The following NAIP variants were observed in gnomAD, a reference collection of about 807,000 sequenced individuals.
The protein encoded by NAIP is NLR family apoptosis inhibitory protein, also known as baculoviral IAP repeat-containing protein 1.
A neutral mutation model predicts 23.0 loss-of-function variants in NAIP; 15 were observed. The observed-to-expected ratio is 0.65, with a 90% CI of 0.44 to 1.00. The LOEUF (loss-of-function observed/expected upper bound fraction) is 1.00. NAIP is among the 50% of genes least tolerant of loss of function. NAIP has a pLI of 0.00. For synonymous variants in NAIP, 100 were observed against 100.2 expected, an observed-to-expected ratio of 1.00 and a Z score of 0.01; for missense variants, 265 against 278.8, an observed-to-expected ratio of 0.95 and a Z score of 0.35.
intron 3 of NAIP, among the ~76,000 whole-genome samples, chr5:71,013,894 C>T (rs1266634724): frequency 6.6e-6 from 1 of 151,326 alleles, no homozygotes; most frequent in Non-Finnish European, 1.5e-5. Flanking sequence ...CCCATTTGTT[C>T]ATTTTTCAAA....
chr5:71,016,096 T>C lies in NAIP; in HGVS notation c.-3-3178A>G, dbSNP rs1489122363. Reference sequence around the variant, plus strand: ...GGAGTTGAGATCAGCCTGGGCAACATAGCTAGACCCTGTCTCTAAAAAAAC... The same window carrying C: ...GGAGTTGAGATCAGCCTGGGCAACACAGCTAGACCCTGTCTCTAAAAAAAC... On this transcript the variant is annotated intron_variant, in intron 3 of 16. Transcript: ENST00000517649. 3.3e-5 allele frequency among the ~76,000 whole-genome samples: 5 copies of C among 149,480 alleles called. 1 individual carries two copies. Among genetic ancestry groups the C allele is most frequent in the South Asian group, 4.3e-4 (2 of 4,698 alleles).
At chr5:71,017,861 T>C (rs1751514705) in intron 3 of NAIP, among the ~76,000 whole-genome samples, 5 of 126,944 alleles carry the variant, frequency 3.9e-5, no homozygotes. Flanking sequence ...TTTTTTTTTT[T>C]TTTTTATAGG....
rs1222506915 is a variant in NAIP at position 70,996,792 on chromosome 5, CAAAAAA to C, written c.1022+1926_1022+1931del. 1.1e-3 allele frequency among the ~76,000 whole-genome samples: 68 copies of C among 64,494 alleles called. 1 individual carries two copies. In the East Asian group the frequency reaches 0.029, roughly 28 times the overall value. The allele number at this position is 64,494 out of a possible 152,430, so 42.3% of individuals were successfully genotyped here. On this transcript the variant is annotated intron_variant, in intron 9 of 16. Coordinates refer to ENST00000517649, the MANE Select transcript of NAIP (RefSeq NM_004536.3). ...TGGGCGACAAAGTGAGACTCCATCT[CAAAAAA>C]AAAAAAAAAAAAAAATTAAGCAGAT...
intron 5 of NAIP, among the ~76,000 whole-genome samples, chr5:71,010,998 C>G (rs1400929467): frequency 6.6e-6 from 1 of 150,984 alleles, no homozygotes; most frequent in East Asian, 1.9e-4. Context: ...TTCGGGAGGC[C>G]TAGGTGGGTG....
chr5:71,013,105 C>T (rs1751247537), intron 3 of NAIP, among the ~76,000 whole-genome samples, 187 bp from the exon 4 acceptor site: 1 of 151,486 alleles, frequency 6.6e-6, no homozygotes, highest in Non-Finnish European at 1.5e-5. Context: ...TACTAAGCAC[C>T]TACTATATAT....
chr5:70,979,587 T>TA lies in NAIP; in HGVS notation c.3442+281dup, dbSNP rs1223095455. ...GAGACTGTCTCAAAAAAAAAAAAAA[T>TA]AATAATAATAATAATAATAATAATA... On this transcript the variant is annotated intron_variant, in intron 13 of 16. Transcript: ENST00000517649. Among the ~76,000 whole-genome samples, 3 of 23,956 alleles carry TA rather than the reference T, an allele frequency of 1.3e-4. 1 individual carries two copies. The highest frequency in any genetic ancestry group is 2.2e-4 in the Non-Finnish European group (3 of 13,684). The allele number at this position is 23,956 out of a possible 152,430, so 15.7% of individuals were successfully genotyped here.
chr5:71,014,218 C>T (rs1751321042), intron 3 of NAIP, among the ~76,000 whole-genome samples: 1 of 151,100 alleles, frequency 6.6e-6, no homozygotes, highest in Non-Finnish European at 1.5e-5. Flanking sequence ...CTGCCTCAGC[C>T]TCCTGAGTAG....
Position 71,013,015 on chromosome 5 carries a change from T to C in NAIP, c.-3-97A>G, listed in dbSNP as rs965080721. On this transcript the variant is annotated intron_variant, in intron 3 of 16. Coordinates refer to ENST00000517649, the MANE Select transcript of NAIP (RefSeq NM_004536.3). ...CCGAAGAAACCAGGAATTAAAGGAA[T>C]GCCTGGAATTTCAACACAAAAGATA... 2.7e-5 allele frequency: 29 copies of C among 1,088,818 alleles called. No homozygotes were observed. In the African/African-American group the frequency reaches 4.1e-4, roughly 15 times the overall value. 67.4% of individuals were successfully genotyped at this position (1,088,818 alleles called of 1,614,324 possible).
chr5:71,011,408 C>T (rs1263209774), intron 4 of NAIP, 34 bp from the exon 5 acceptor site: 2 of 1,492,288 alleles, frequency 1.3e-6, no homozygotes, highest in Admixed American at 1.8e-5. Context: ...GATTGCCTGG[C>T]AGTGGCACCA....
chr5:71,008,214 TG>T (rs1172213294), intron 5 of NAIP, among the ~76,000 whole-genome samples: 3 of 149,708 alleles, frequency 2.0e-5, no homozygotes, highest in Admixed American at 6.7e-5. Flanking sequence ...GGGTTACAGG[TG>T]CCTGCCACCA....
In NAIP at chr5:71,012,692, G is replaced by A; in HGVS notation, c.224C>T (p.Ser75Leu). 3 of 1,611,856 alleles carry A rather than the reference G, an allele frequency of 1.9e-6. No homozygotes were observed. The highest frequency in any genetic ancestry group is 2.5e-6 in the Non-Finnish European group (3 of 1,178,438). The change falls in exon 4 of 17, where the codon TCA (serine) becomes TTA (leucine). Residue 75 changes from serine (S) to leucine (L), a missense_variant. Physicochemically the swap from Ser to Leu is moderately radical, Grantham distance 145. Coordinates refer to ENST00000517649, the MANE Select transcript of NAIP (RefSeq NM_004536.3). ...KTFVTYEPYSSWIPQEMAAAG... is the reference protein window; with the variant it reads ...KTFVTYEPYSLWIPQEMAAAG... ...GGCCGCCATCTCCTGTGGTATCCATGAGCTGTACGGCTCATAAGTCACAAA... is the reference window on the plus strand; with the variant it reads ...GGCCGCCATCTCCTGTGGTATCCATAAGCTGTACGGCTCATAAGTCACAAA...
chr5:71,014,258 C>A (rs73118818), intron 3 of NAIP, among the ~76,000 whole-genome samples: 2 of 151,076 alleles, frequency 1.3e-5, no homozygotes, highest in Admixed American at 6.6e-5. Flanking sequence ...CCACCAATTG[C>A]GGCTAATTTC....
At chr5:71,014,079 T>C (rs1256076047) in intron 3 of NAIP, among the ~76,000 whole-genome samples, 1 of 151,126 alleles carries the variant, frequency 6.6e-6, no homozygotes, top group Non-Finnish European at 1.5e-5. Context: ...ATGTTTCTAG[T>C]GGCTCTAGCC....
intron 5 of NAIP, 145 bp downstream of exon 5, chr5:71,011,130 G>T: frequency 1.6e-6 from 1 of 621,260 alleles, no homozygotes; most frequent in Non-Finnish European, 2.7e-6. Flanking sequence ...CTACTCAGAA[G>T]GCTGAGGCAG....
intron 3 of NAIP, among the ~76,000 whole-genome samples, chr5:71,017,973 C>T (rs1401847542): frequency 7.6e-6 from 1 of 131,830 alleles, no homozygotes; most frequent in East Asian, 2.1e-4. Flanking sequence ...ATCCTCTTGC[C>T]TCAGCCTCTC....
At chr5:71,014,567 T>C (rs1431270342) in intron 3 of NAIP, among the ~76,000 whole-genome samples, 1 of 151,710 alleles carries the variant, frequency 6.6e-6, no homozygotes, top group African/African-American at 2.4e-5. Context: ...CTTAGCTGGA[T>C]ATTTGGATTG....
chr5:71,011,295 T>G lies in NAIP; in HGVS notation c.648A>C (p.Glu216Asp). 6.2e-7 allele frequency: 1 copy of G among 1,601,770 alleles called. No homozygotes were observed. The highest frequency in any genetic ancestry group is 8.5e-7 in the Non-Finnish European group (1 of 1,173,076). The change falls in exon 5 of 17, where the codon GAA becomes GAC. Residue 216 changes from glutamate to aspartate, a missense_variant. This residue lies in a region of NAIP where 261 missense variants were observed against 259.2 expected (regional missense o/e 1.01). Coordinates refer to ENST00000517649, the MANE Select transcript of NAIP (RefSeq NM_004536.3). ...NWEEGDDPWK[E>D]HAKWFPKCEF... ...CTTACTTGGGGAACCATTTGGCATG[T>G]TCCTTCCAAGGATCATCTCCTTCTT...
intron 3 of NAIP, 146 bp from the exon 4 acceptor site, chr5:71,013,064 T>A: frequency 1.3e-6 from 1 of 769,936 alleles, no homozygotes; most frequent in Non-Finnish European, 2.0e-6. Flanking sequence ...TTATGAAACA[T>A]CAGTATTCAT....
chr5:70,979,584 A>AAAAAAAAT (rs1331000647), intron 13 of NAIP, among the ~76,000 whole-genome samples: 6 of 42,822 alleles, frequency 1.4e-4, no homozygotes, highest in African/African-American at 6.5e-4. Context: ...AAAAAAAAAA[A>AAAAAAAAT]AATAATAATA....
Sources: allele counts gnomAD v4.1 joint callset (sites outside exome capture counted in the v4.1 genomes callset), GRCh38; gene constraint gnomAD v4.1.1; regional missense constraint gnomAD v4.1.1; transcripts MANE v1.5; gene names NCBI Gene and HGNC (gene_info 2026-07-23, HGNC 2026-07-21).